The following DMD variants were observed in gnomAD, a reference collection of about 807,000 sequenced individuals.
DMD encodes dystrophin.
A neutral mutation model predicts 330.1 loss-of-function variants in DMD; 63 were observed. The observed-to-expected ratio is 0.19, with a 90% CI of 0.16 to 0.24. The LOEUF (loss-of-function observed/expected upper bound fraction) is 0.24. Ranked by LOEUF, DMD falls within the 10% of genes least tolerant of loss-of-function variation. The pLI is 1.00. For missense variants in DMD, 3,344 were observed against 2,684.1 expected (o/e 1.25, Z -5.43); for synonymous variants, 1,223 against 959.8 (o/e 1.27, Z -5.07).
At chrX:32,476,579 A>G (rs2148514484) in intron 21 of DMD, among the ~76,000 whole-genome samples, 1 of 112,232 alleles carries the variant, frequency 8.9e-6, no homozygotes, top group Non-Finnish European at 1.9e-5. Context: ...TAATGACACT[A>G]TGTAATGACA....
chrX:33,012,019 CA>C, intron 2 of DMD, among the ~76,000 whole-genome samples: 1 of 111,524 alleles, frequency 9.0e-6, no homozygotes, highest in East Asian at 2.8e-4. Flanking sequence ...GAGACCAAAA[CA>C]TTTACCTTCT....
chrX:32,501,624 A>G (rs1424846017), intron 19 of DMD, 131 bp downstream of exon 19: 26 of 517,846 alleles, frequency 5.0e-5, no homozygotes, highest in Non-Finnish European at 7.2e-5. Context: ...AATAATAAAA[A>G]ACATACAAAC....
intron 5 of DMD, among the ~76,000 whole-genome samples, chrX:32,819,619 G>C (rs888136663): frequency 9.0e-6 from 1 of 111,410 alleles, no homozygotes; most frequent in Non-Finnish European, 1.9e-5. Context: ...TAGGAAAACA[G>C]AGTTTGCATT....
At chrX:33,190,868 TATATATATATAATATATA>T (rs2050510039) in intron 1 of DMD, among the ~76,000 whole-genome samples, 1 of 2,129 alleles carries the variant, frequency 4.7e-4, no homozygotes, top group Non-Finnish European at 8.0e-4. Context: ...TAATATTATA[TATATATATATAATATATA>T]ATATTATATA....
chrX:32,491,239 T>C, intron 20 of DMD, 38 bp downstream of exon 20: 2 of 1,205,411 alleles, frequency 1.7e-6, no homozygotes, highest in African/African-American at 1.7e-5. Context: ...GAAATACCTA[T>C]TGATTATGCT....
At chrX:32,528,430 C>T (rs1302105132) in intron 17 of DMD, among the ~76,000 whole-genome samples, 2 of 111,913 alleles carry the variant, frequency 1.8e-5, no homozygotes, top group African/African-American at 3.3e-5. Flanking sequence ...CGATCTTCAG[C>T]GACTTCTTGC....
At chrX:32,916,351 G>C (rs1355403213) in intron 2 of DMD, among the ~76,000 whole-genome samples, 2 of 111,268 alleles carry the variant, frequency 1.8e-5, no homozygotes, top group Non-Finnish European at 3.8e-5. Context: ...AGTCAGGTGT[G>C]ATACTGTAAA....
At chrX:32,347,496 G>A (rs2097768025) in intron 38 of DMD, among the ~76,000 whole-genome samples, 1 of 111,659 alleles carries the variant, frequency 9.0e-6, no homozygotes, top group Non-Finnish European at 1.9e-5. Flanking sequence ...AGTTGGCAAG[G>A]CCACCAAACC....
intron 50 of DMD, among the ~76,000 whole-genome samples, chrX:31,805,887 G>A (rs2092275640): frequency 8.9e-6 from 1 of 112,359 alleles, no homozygotes; most frequent in African/African-American, 3.2e-5. Context: ...CTATTGACTA[G>A]TATTTATCTA....
intron 17 of DMD, among the ~76,000 whole-genome samples, chrX:32,524,984 C>T (rs1464337156): frequency 1.8e-5 from 2 of 111,740 alleles, no homozygotes; most frequent in African/African-American, 6.5e-5. Flanking sequence ...TGTTATACTT[C>T]TTTTCTAAAA....
chrX:31,578,919 C>T lies in DMD; in HGVS notation c.8217+48754G>A, dbSNP rs192719200. ...AAAATCATTGCCTTCAATAAGTTCA[C>T]AGCTGATAAAGGCTCTAAAACAGGG... On this transcript the variant is annotated intron_variant, in intron 55 of 78. Transcript: ENST00000357033. Among the ~76,000 whole-genome samples, 562 of 112,382 alleles carry T rather than the reference C, an allele frequency of 5.0e-3. 6 individuals carry two copies. Among genetic ancestry groups the T allele is most frequent in the African/African-American group, 0.017 (539 of 30,971 alleles).
intron 7 of DMD, among the ~76,000 whole-genome samples, chrX:32,786,918 G>A (rs953688541): frequency 3.6e-5 from 4 of 109,665 alleles, no homozygotes; most frequent in African/African-American, 1.3e-4. Flanking sequence ...AATGTGCCCA[G>A]CACTTAATGT....
intron 60 of DMD, among the ~76,000 whole-genome samples, chrX:31,416,746 G>T (rs919813104): frequency 2.7e-5 from 3 of 111,891 alleles, no homozygotes; most frequent in African/African-American, 9.8e-5. Context: ...CACATCTGTG[G>T]TTCTCCATTA....
At chrX:31,882,274 C>T (rs931346226) in intron 47 of DMD, among the ~76,000 whole-genome samples, 3 of 111,519 alleles carry the variant, frequency 2.7e-5, no homozygotes, top group Non-Finnish European at 3.8e-5. Context: ...CTAATTTATA[C>T]GATGGTGTCA....
intron 4 of DMD, among the ~76,000 whole-genome samples, chrX:32,843,550 T>A (rs62591107): frequency 0.12 from 13,950 of 111,852 alleles, 739 homozygotes; most frequent in Admixed American, 0.23. Context: ...CCATATCTTA[T>A]GTAATGTCAT....
intron 44 of DMD, among the ~76,000 whole-genome samples, chrX:32,030,994 C>A (rs1051397184): frequency 9.0e-6 from 1 of 111,543 alleles, no homozygotes; most frequent in Admixed American, 9.6e-5. Flanking sequence ...AAGTGCCTGC[C>A]GTATAGAGGG....
Position 31,121,125 on chromosome X carries a change from A to ATTTCTTTCTAT in DMD, c.*783_*793dup, listed in dbSNP as rs2032405994. The ATTTCTTTCTAT allele has an allele frequency of 1.8e-5, 2 of 111,870 alleles. No individual in the cohort carries two copies. Among genetic ancestry groups the ATTTCTTTCTAT allele is most frequent in the Non-Finnish European group, 3.8e-5 (2 of 53,116 alleles). The allele number at this position is 111,870 out of a possible 1,213,427, so 9.2% of individuals were successfully genotyped here. A position where few individuals can be genotyped will look rare whatever the true frequency, so the allele number is the denominator to read the frequency against. The stretch of plus-strand genomic sequence containing the variant: ...AAGCCTGGATGACTGACTAGAAGTA[A>ATTTCTTTCTAT]TTTCTTTCTATTAGGATGTGACATG... On this transcript the variant is annotated 3_prime_UTR_variant, in exon 79 of 79. Transcript: ENST00000357033.
chrX:31,552,705 TG>T (rs1167084838), intron 55 of DMD, among the ~76,000 whole-genome samples: 2 of 111,871 alleles, frequency 1.8e-5, no homozygotes, highest in Non-Finnish European at 3.8e-5. Context: ...TGAGCTTGTC[TG>T]GAACAAATTA....
intron 51 of DMD, among the ~76,000 whole-genome samples, chrX:31,745,590 T>C (rs2087759824): frequency 1.8e-5 from 2 of 112,218 alleles, no homozygotes; most frequent in African/African-American, 6.5e-5. Flanking sequence ...TTTACCTTCA[T>C]GCATCTTTTT....
Sources: gnomAD v4.1 joint callset for allele counts (sites outside exome capture counted in the v4.1 genomes callset) on GRCh38, gnomAD v4.1.1 for gene constraint, MANE v1.5 for transcripts, NCBI Gene and HGNC (gene_info 2026-07-23, HGNC 2026-07-21) for gene names.